The following TMEM132D variants were observed in gnomAD, a reference collection of about 807,000 sequenced individuals.
TMEM132D encodes the protein mature OL transmembrane protein.
TMEM132D carries 21 observed loss-of-function variants against 62.3 expected under a neutral mutation model. The ratio of observed to expected loss-of-function variants is 0.34; its 90% confidence interval spans 0.24 to 0.49. The LOEUF (loss-of-function observed/expected upper bound fraction) is 0.49, where lower values mean the gene tolerates loss of function less well. Among genes scored for constraint, TMEM132D ranks in the 20% least tolerant of loss-of-function variants. The probability of loss-of-function intolerance (pLI) is 0.99; values close to 1 mark genes in which losing one functional copy is unlikely to be tolerated. For missense variants in TMEM132D, 1,346 were observed against 1,402.8 expected, an observed-to-expected ratio of 0.96 and a Z score of 0.65; for synonymous variants, 621 against 575.6, an observed-to-expected ratio of 1.08 and a Z score of -1.13.
At chr12:129,203,973 C>A (rs1378667091) in intron 5 of TMEM132D, among the ~76,000 whole-genome samples, 1 of 152,176 alleles carries the variant, frequency 6.6e-6, no homozygotes, top group African/African-American at 2.4e-5. Context: ...CCGAACCCAC[C>A]TTATGCCATA....
intron 1 of TMEM132D, among the ~76,000 whole-genome samples, chr12:129,864,294 C>T (rs1166697786): frequency 6.6e-6 from 1 of 152,206 alleles, no homozygotes; most frequent in Non-Finnish European, 1.5e-5. Context: ...AATCTCTCAG[C>T]AGAGGCCCCA....
chr12:129,900,993 G>A (rs893795183), intron 1 of TMEM132D, among the ~76,000 whole-genome samples: 1 of 152,128 alleles, frequency 6.6e-6, no homozygotes, highest in South Asian at 2.1e-4. Context: ...AAATATAAAC[G>A]TGTAAGGCTC....
At chr12:129,078,453 C>T (rs543192818) in intron 8 of TMEM132D, 81 bp downstream of exon 8, 559 of 1,436,774 alleles carry the variant, frequency 3.9e-4, no homozygotes, top group Non-Finnish European at 4.8e-4. Flanking sequence ...TTGTGCGACC[C>T]GCCTGGCGTG....
rs555394051 is a variant in TMEM132D at position 129,668,294 on chromosome 12, GAC to G, written c.968+31514_968+31515del. 2.4e-3 allele frequency among the ~76,000 whole-genome samples: 351 copies of G among 148,380 alleles called. 3 individuals carry two copies. Among genetic ancestry groups the G allele is most frequent in the African/African-American group, 8.2e-3 (332 of 40,412 alleles). On this transcript the variant is annotated intron_variant, in intron 2 of 8. Coordinates refer to ENST00000422113, the MANE Select transcript of TMEM132D (RefSeq NM_133448.3). The stretch of plus-strand genomic sequence containing the variant: ...TTATAGAAGTTTCCCATAATCTTAG[GAC>G]ACACACTAATTATAATTGTTCTGTA...
intron 2 of TMEM132D, among the ~76,000 whole-genome samples, chr12:129,693,191 C>A (rs11060502): frequency 5.9e-5 from 9 of 152,080 alleles, no homozygotes; most frequent in African/African-American, 1.7e-4. Context: ...GCGTGACAAG[C>A]CCTTCTCACC....
In TMEM132D at chr12:129,195,286, G is replaced by C. The variant is rs139028175; in HGVS notation, c.1443+14234C>G. Among the ~76,000 whole-genome samples the C allele has an allele frequency of 9.0e-3, 1,368 of 152,142 alleles. 16 individuals are homozygous for C. The highest frequency in any genetic ancestry group is 0.031 in the African/African-American group (1,298 of 41,502). ...GGGAGGTTCCAAGAGTCATCAAGAA[G>C]CCCAGTGTGGCCAGAAGGAGAGTTG... is the stretch of plus-strand genomic sequence containing the variant. On this transcript the variant is annotated intron_variant, in intron 5 of 8. Coordinates refer to ENST00000422113, the MANE Select transcript of TMEM132D (RefSeq NM_133448.3).
chr12:129,902,769 G>A (rs1456763755), intron 1 of TMEM132D, among the ~76,000 whole-genome samples: 2 of 152,030 alleles, frequency 1.3e-5, no homozygotes, highest in Non-Finnish European at 2.9e-5. Flanking sequence ...ATTTTTGGCA[G>A]CCTATAATAC....
At chr12:129,080,521 A>G (rs1185191668) in intron 7 of TMEM132D, among the ~76,000 whole-genome samples, 2 of 152,180 alleles carry the variant, frequency 1.3e-5, no homozygotes, top group African/African-American at 4.8e-5. Context: ...ATACCAGCCA[A>G]TTTTCCAGAA....
chr12:129,897,235 AATTC>A (rs1266211312), intron 1 of TMEM132D, among the ~76,000 whole-genome samples: 1 of 152,208 alleles, frequency 6.6e-6, no homozygotes, highest in African/African-American at 2.4e-5. Flanking sequence ...TCATCTCCAC[AATTC>A]ATTCAAGTGT....
chr12:129,458,209 G>A (rs1024256572), intron 3 of TMEM132D, among the ~76,000 whole-genome samples: 2 of 152,128 alleles, frequency 1.3e-5, no homozygotes, highest in Non-Finnish European at 2.9e-5. Context: ...CCCTAGCTGA[G>A]TGTCTCTTCT....
chr12:129,737,866 T>A (rs914802774), intron 1 of TMEM132D, among the ~76,000 whole-genome samples: 2 of 152,224 alleles, frequency 1.3e-5, no homozygotes, highest in Admixed American at 1.3e-4. Context: ...ATTTCTTGGG[T>A]GAAAATGAGC....
chr12:129,902,232 T>A (rs1036909407), intron 1 of TMEM132D, among the ~76,000 whole-genome samples: 1 of 152,232 alleles, frequency 6.6e-6, no homozygotes, highest in Non-Finnish European at 1.5e-5. Flanking sequence ...AAAGACTTTG[T>A]GCGTGATAAT....
At chr12:129,141,755 G>A (rs1876745600) in intron 5 of TMEM132D, among the ~76,000 whole-genome samples, 1 of 152,036 alleles carries the variant, frequency 6.6e-6, no homozygotes, top group East Asian at 1.9e-4. Flanking sequence ...CAGACACTGG[G>A]GAATGCTAGA....
intron 3 of TMEM132D, among the ~76,000 whole-genome samples, chr12:129,515,328 A>G (rs1253701593): frequency 8.5e-5 from 13 of 152,284 alleles, no homozygotes; most frequent in African/African-American, 2.6e-4. Flanking sequence ...CTTTCCCCAC[A>G]TATTAGTTAC....
At chr12:129,671,320 C>T (rs1051008238) in intron 2 of TMEM132D, among the ~76,000 whole-genome samples, 2 of 151,972 alleles carry the variant, frequency 1.3e-5, no homozygotes, top group East Asian at 1.9e-4. Context: ...AGTTGTAAAA[C>T]GGTAGTTGCA....
chr12:129,320,346 G>C (rs907032461), intron 4 of TMEM132D, among the ~76,000 whole-genome samples: 2 of 152,170 alleles, frequency 1.3e-5, no homozygotes, highest in Non-Finnish European at 2.9e-5. Flanking sequence ...AGAATGTGCA[G>C]AGTAGCTACA....
chr12:129,751,171 T>C lies in TMEM132D; in HGVS notation c.80-50473A>G, dbSNP rs547284980. Among the ~76,000 whole-genome samples, 48 of 151,890 alleles carry C rather than the reference T, an allele frequency of 3.2e-4. 1 individual carries two copies. Among genetic ancestry groups the C allele is most frequent in the African/African-American group, 9.9e-4 (41 of 41,410 alleles). Reference sequence around the variant, plus strand: ...CCTGGTAATTTACAGAGAAAAGAGGTTTAATTGGCTCACAGTTCCTCAGGC... The same window carrying C: ...CCTGGTAATTTACAGAGAAAAGAGGCTTAATTGGCTCACAGTTCCTCAGGC... On this transcript the variant is annotated intron_variant, in intron 1 of 8. Coordinates refer to ENST00000422113, the MANE Select transcript of TMEM132D (RefSeq NM_133448.3).
At chr12:129,843,249 T>C (rs182359430) in intron 1 of TMEM132D, among the ~76,000 whole-genome samples, 2 of 152,176 alleles carry the variant, frequency 1.3e-5, no homozygotes, top group African/African-American at 2.4e-5. Flanking sequence ...AACATTTTAA[T>C]AAAAAAAGAA....
At chr12:129,766,446 T>C (rs10847938) in intron 1 of TMEM132D, among the ~76,000 whole-genome samples, 91,191 of 152,074 alleles carry the variant, frequency 0.6, 28,164 homozygotes, top group Middle Eastern at 0.77. Context: ...TAGTGTTAAG[T>C]ACTGAAGGAA....
Sources: gnomAD v4.1 joint callset for allele counts (sites outside exome capture counted in the v4.1 genomes callset) on GRCh38, gnomAD v4.1.1 for gene constraint, MANE v1.5 for transcripts, NCBI Gene and HGNC (gene_info 2026-07-23, HGNC 2026-07-21) for gene names.